DISP1: variants seen among roughly 807,000 people sequenced by gnomAD.
DISP1 encodes the protein dispatched RND transporter family member 1, also known as protein dispatched homolog 1.
A neutral mutation model predicts 37.3 loss-of-function variants in DISP1; 30 were observed. The observed-to-expected ratio is 0.80, with a 90% confidence interval of 0.60 to 1.09. The LOEUF is 1.09. DISP1 is among the 50% of genes least tolerant of loss of function. The pLI is 0.00. For synonymous variants in DISP1, 634 were observed against 690.2 expected, an observed-to-expected ratio of 0.92 and a Z score of 1.28; for missense variants, 1,598 against 1,879.5, an observed-to-expected ratio of 0.85 and a Z score of 2.77.
chr1:222,886,194 T>C (rs891711317), intron 1 of DISP1, among the ~76,000 whole-genome samples: 1 of 152,220 alleles, frequency 6.6e-6, no homozygotes, highest in African/African-American at 2.4e-5. Flanking sequence ...TACATTTTTC[T>C]GATGCTGATG....
chr1:222,870,305 A>G (rs1206745713), intron 1 of DISP1, among the ~76,000 whole-genome samples: 1 of 152,228 alleles, frequency 6.6e-6, no homozygotes, highest in African/African-American at 2.4e-5. Context: ...GTGTATACCC[A>G]GTAATGGGAT....
At chr1:222,986,182 G>A (rs1419747498) in intron 4 of DISP1, among the ~76,000 whole-genome samples, 1 of 152,148 alleles carries the variant, frequency 6.6e-6, no homozygotes, top group East Asian at 1.9e-4. Context: ...TAAAGATCCG[G>A]TGGTCGGTGA....
At chr1:222,856,955 C>T (rs1157589645) in intron 1 of DISP1, among the ~76,000 whole-genome samples, 1 of 152,108 alleles carries the variant, frequency 6.6e-6, no homozygotes, top group Non-Finnish European at 1.5e-5. Flanking sequence ...CTGCCTGCCT[C>T]GGCCTCCCAA....
intron 1 of DISP1, among the ~76,000 whole-genome samples, chr1:222,847,733 C>G (rs1179291562): frequency 6.6e-6 from 1 of 151,936 alleles, no homozygotes; most frequent in Non-Finnish European, 1.5e-5. Flanking sequence ...CCATGTGCAA[C>G]CCAGGGGGAA....
At chr1:222,867,231 C>T (rs549518300) in intron 1 of DISP1, among the ~76,000 whole-genome samples, 1 of 152,224 alleles carries the variant, frequency 6.6e-6, no homozygotes, top group Admixed American at 6.5e-5. Flanking sequence ...GGTCATTGAA[C>T]ATTTACTACA....
At chr1:222,911,230 C>T (rs1428863244) in intron 1 of DISP1, among the ~76,000 whole-genome samples, 1 of 152,024 alleles carries the variant, frequency 6.6e-6, no homozygotes, top group Non-Finnish European at 1.5e-5. Flanking sequence ...CTTGGTTGAT[C>T]CTTAGACTGA....
intron 1 of DISP1, among the ~76,000 whole-genome samples, chr1:222,917,242 C>T (rs1432384302): frequency 6.6e-6 from 1 of 152,164 alleles, no homozygotes; most frequent in Non-Finnish European, 1.5e-5. Flanking sequence ...CATTTGTCCC[C>T]CCTTCATTCA....
intron 1 of DISP1, among the ~76,000 whole-genome samples, chr1:222,845,811 T>C (rs1176328894): frequency 6.6e-6 from 1 of 152,174 alleles, no homozygotes; most frequent in Non-Finnish European, 1.5e-5. Flanking sequence ...GGGATAGAAA[T>C]TTGTTTTGGG....
chr1:222,844,257 G>GA (rs1380907642), intron 1 of DISP1, among the ~76,000 whole-genome samples: 2 of 152,134 alleles, frequency 1.3e-5, no homozygotes, highest in African/African-American at 4.8e-5. Context: ...AAATCAGGTT[G>GA]AAGATTAAGT....
chr1:222,968,843 G>C (rs1407025841), intron 3 of DISP1, among the ~76,000 whole-genome samples: 1 of 152,128 alleles, frequency 6.6e-6, no homozygotes, highest in Non-Finnish European at 1.5e-5. Flanking sequence ...TGAGGCAGGA[G>C]AATCGCTTGA....
chr1:222,823,156 G>A (rs536987502), intron 1 of DISP1, among the ~76,000 whole-genome samples: 3 of 152,258 alleles, frequency 2.0e-5, no homozygotes, highest in Non-Finnish European at 4.4e-5. Flanking sequence ...ACTACCATTT[G>A]ATTCAGCAAT....
At chr1:222,874,096 T>C (rs1316095123) in intron 1 of DISP1, among the ~76,000 whole-genome samples, 2 of 152,242 alleles carry the variant, frequency 1.3e-5, no homozygotes, top group Non-Finnish European at 2.9e-5. Flanking sequence ...ATGTTGAATA[T>C]TGGCCCCAGA....
rs754599365 is a variant in DISP1 at position 222,944,488 on chromosome 1, G to A, written c.509+1156G>A. The stretch of plus-strand genomic sequence containing the variant: ...AAAAAGAGCATTCTCTTTAAAATTA[G>A]GGTATAATTTATATACAGGGAAATG... On this transcript the variant is annotated intron_variant, in intron 3 of 8. Coordinates refer to ENST00000675850, the MANE Select transcript of DISP1 (RefSeq NM_001377229.1). Among the ~76,000 whole-genome samples the A allele has an allele frequency of 3.6e-4, 54 of 152,100 alleles. 1 individual carries two copies. Among genetic ancestry groups the A allele is most frequent in the Admixed American group, 2.0e-3 (30 of 15,268 alleles).
chr1:222,959,257 T>C (rs1250773874), intron 3 of DISP1, among the ~76,000 whole-genome samples: 1 of 152,198 alleles, frequency 6.6e-6, no homozygotes, highest in African/African-American at 2.4e-5. Flanking sequence ...TCTATAACAA[T>C]AGTATTAATG....
intron 1 of DISP1, among the ~76,000 whole-genome samples, chr1:222,823,122 A>C (rs554166304): frequency 6.6e-6 from 1 of 152,316 alleles, no homozygotes; most frequent in African/African-American, 2.4e-5. Context: ...CAATATGGAG[A>C]TTTCTCAGAG....
intron 1 of DISP1, among the ~76,000 whole-genome samples, chr1:222,835,856 G>T (rs1367527696): frequency 6.6e-6 from 1 of 151,658 alleles, no homozygotes; most frequent in African/African-American, 2.4e-5. Flanking sequence ...GGAGGCTGAG[G>T]CAAGAGAATT....
rs369028065 is a variant in DISP1 at position 222,973,020 on chromosome 1, A to G, written c.510-10060A>G. Among the ~76,000 whole-genome samples the G allele has an allele frequency of 1.4e-4, 22 of 152,324 alleles. No individual in the cohort carries two copies. In the South Asian group the frequency reaches 4.1e-3, roughly 29 times the overall value. On this transcript the variant is annotated intron_variant, in intron 3 of 8. Transcript: ENST00000675850. Reference sequence around the variant, plus strand: ...ACTGGCAGTGAATTAAACAGAATTAACTATAGATTGTATTAAATGTATTTT... The same window carrying G: ...ACTGGCAGTGAATTAAACAGAATTAGCTATAGATTGTATTAAATGTATTTT...
At chr1:222,898,099 T>A (rs977967124) in intron 1 of DISP1, among the ~76,000 whole-genome samples, 2 of 152,166 alleles carry the variant, frequency 1.3e-5, no homozygotes, top group African/African-American at 2.4e-5. Flanking sequence ...AATCCACTTA[T>A]CTGTAAAGTT....
chr1:222,998,302 G>A (rs1484537131), intron 8 of DISP1, among the ~76,000 whole-genome samples: 1 of 151,060 alleles, frequency 6.6e-6, no homozygotes, highest in Non-Finnish European at 1.5e-5. Flanking sequence ...GAAGTTAAAT[G>A]GGGCGCAACC....
Sources: gnomAD v4.1 joint callset for allele counts (sites outside exome capture counted in the v4.1 genomes callset) on GRCh38, gnomAD v4.1.1 for gene constraint, MANE v1.5 for transcripts, NCBI Gene and HGNC (gene_info 2026-07-23, HGNC 2026-07-21) for gene names.